MYO10: variants seen among roughly 807,000 people sequenced by gnomAD.
The protein encoded by MYO10 is unconventional myosin-X.
Under a neutral mutation model 257.3 loss-of-function variants are expected in MYO10, and 133 were observed. The ratio of observed to expected loss-of-function variants is 0.52; its 90% CI spans 0.45 to 0.60. The LOEUF (loss-of-function observed/expected upper bound fraction) is 0.60. Ranked by LOEUF, MYO10 falls within the 20% of genes least tolerant of loss-of-function variation. The pLI, the probability that MYO10 is intolerant of heterozygous loss-of-function variation, is 0.00. For synonymous variants in MYO10, 1,104 were observed against 1,028.6 expected (o/e 1.07, Z -1.40); for missense variants, 2,399 against 2,635.7 (o/e 0.91, Z 1.97).
At chr5:16,748,872 G>T (rs1015491525) in intron 19 of MYO10, among the ~76,000 whole-genome samples, 1 of 152,134 alleles carries the variant, frequency 6.6e-6, no homozygotes, top group African/African-American at 2.4e-5. Context: ...TGGAAGAGAG[G>T]AATACAGGTC....
chr5:16,777,518 T>A (rs1440234043), intron 9 of MYO10, among the ~76,000 whole-genome samples: 1 of 152,216 alleles, frequency 6.6e-6, no homozygotes, highest in Non-Finnish European at 1.5e-5. Context: ...GAGCTGCTAG[T>A]CTTCCAGCGG....
rs140265151 is a variant in MYO10 at position 16,916,174 on chromosome 5, C to T, written c.21+19614G>A. On this transcript the variant is annotated intron_variant, in intron 1 of 40. Transcript: ENST00000513610. Reference sequence around the variant, plus strand: ...ACCATGAACCATCTCCAGAGACCTTCGTTCCGCCACGTCAGGGTCAGCTAA... The same window carrying T: ...ACCATGAACCATCTCCAGAGACCTTTGTTCCGCCACGTCAGGGTCAGCTAA... 263 of 455,782 alleles carry T rather than the reference C, an allele frequency of 5.8e-4. 1 individual carries two copies. Among genetic ancestry groups the T allele is most frequent in the African/African-American group, 4.6e-3 (229 of 50,128 alleles). 28.2% of individuals were successfully genotyped at this position (455,782 alleles called of 1,614,324 possible).
intron 3 of MYO10, among the ~76,000 whole-genome samples, chr5:16,802,855 G>A (rs528868232): frequency 8.6e-5 from 13 of 151,962 alleles, no homozygotes; most frequent in Non-Finnish European, 1.5e-4. Context: ...GGTGGCTCAC[G>A]CCTGTTATCC....
chr5:16,909,229 C>T (rs1301607485), intron 1 of MYO10, among the ~76,000 whole-genome samples: 2 of 152,216 alleles, frequency 1.3e-5, no homozygotes, highest in East Asian at 3.9e-4. Context: ...ATCAAATTGG[C>T]CAGGTGCGGT....
At chr5:16,756,912 G>A (rs904783683) in intron 18 of MYO10, among the ~76,000 whole-genome samples, 1 of 151,950 alleles carries the variant, frequency 6.6e-6, no homozygotes, top group Non-Finnish European at 1.5e-5. Context: ...ATCAGCCTGG[G>A]CAACATAATA....
chr5:16,857,549 T>C (rs1246629040), intron 2 of MYO10, among the ~76,000 whole-genome samples: 1 of 152,200 alleles, frequency 6.6e-6, no homozygotes, highest in Non-Finnish European at 1.5e-5. Context: ...GAAATGCACA[T>C]TTGCAGGCTC....
At chr5:16,907,295 G>A (rs1745545076) in intron 1 of MYO10, among the ~76,000 whole-genome samples, 1 of 152,022 alleles carries the variant, frequency 6.6e-6, no homozygotes, top group African/African-American at 2.4e-5. Flanking sequence ...CAGGGCACAC[G>A]CTCTTGTAAT....
chr5:16,662,766 T>G lies in MYO10; in HGVS notation c.*3926A>C, dbSNP rs1736026921. Reference sequence around the variant, plus strand: ...GTAATTGAATCATGGGGGTGGGTTTTCCCATGCTGTTCTTGTCCATAGTGA... The same window carrying G: ...GTAATTGAATCATGGGGGTGGGTTTGCCCATGCTGTTCTTGTCCATAGTGA... On this transcript the variant is annotated 3_prime_UTR_variant, in exon 41 of 41. Transcript: ENST00000513610. The G allele has an allele frequency of 6.6e-6, 1 of 152,146 alleles. No homozygotes were observed. The highest frequency in any genetic ancestry group is 6.6e-5 in the Admixed American group (1 of 15,264). The allele number at this position is 152,146 out of a possible 1,614,324, so 9.4% of individuals were successfully genotyped here.
At chr5:16,903,574 C>G (rs139045264) in intron 1 of MYO10, among the ~76,000 whole-genome samples, 229 of 152,268 alleles carry the variant, frequency 1.5e-3, no homozygotes, top group African/African-American at 5.4e-3. Flanking sequence ...AGCCACTTTC[C>G]TATTAATATT....
intron 1 of MYO10, among the ~76,000 whole-genome samples, chr5:16,903,695 C>T (rs1231222084): frequency 6.6e-6 from 1 of 152,148 alleles, no homozygotes; most frequent in Non-Finnish European, 1.5e-5. Context: ...AACTGCTCAA[C>T]AGCCTGAAAA....
chr5:16,924,214 G>GT (rs1285118051), intron 1 of MYO10, among the ~76,000 whole-genome samples: 1 of 137,996 alleles, frequency 7.2e-6, no homozygotes, highest in Non-Finnish European at 1.7e-5. Context: ...CAACCACGCT[G>GT]GGGGGTGAGA....
At chr5:16,668,492 G>T (rs555895827) in intron 39 of MYO10, 24 bp from the exon 40 acceptor site, 2 of 1,573,508 alleles carry the variant, frequency 1.3e-6, no homozygotes, top group South Asian at 2.4e-5. Context: ...GTCAACAGAA[G>T]AGTTAAGTCA....
chr5:16,787,767 G>C (rs894901074), intron 4 of MYO10, among the ~76,000 whole-genome samples: 1 of 152,068 alleles, frequency 6.6e-6, no homozygotes, highest in Non-Finnish European at 1.5e-5. Flanking sequence ...AAGCAGGAGA[G>C]TGTCATGATC....
At chr5:16,934,987 T>G (rs538106687) in intron 1 of MYO10, among the ~76,000 whole-genome samples, 27 of 152,234 alleles carry the variant, frequency 1.8e-4, no homozygotes, top group African/African-American at 6.5e-4. Flanking sequence ...TAAACAGAAT[T>G]TATTAAATAA....
intron 3 of MYO10, among the ~76,000 whole-genome samples, chr5:16,814,039 C>T (rs1051647463): frequency 3.3e-4 from 50 of 152,194 alleles, no homozygotes; most frequent in African/African-American, 1.1e-3. Context: ...GAGCAGGAAA[C>T]GGATCCTCCT....
chr5:16,844,776 T>C (rs1743578896), intron 2 of MYO10, among the ~76,000 whole-genome samples: 1 of 143,442 alleles, frequency 7.0e-6, no homozygotes, highest in Non-Finnish European at 1.5e-5. Context: ...GCTCAATCAA[T>C]AGATTTTAAA....
Position 16,663,828 on chromosome 5 carries a change from C to T in MYO10, c.*2864G>A, listed in dbSNP as rs987845123. 2 of 141,480 alleles carry T rather than the reference C, an allele frequency of 1.4e-5. No homozygotes were observed. The highest frequency in any genetic ancestry group is 2.2e-4 in the South Asian group (1 of 4,634). The allele number at this position is 141,480 out of a possible 1,614,324, so 8.8% of individuals were successfully genotyped here. Reference sequence around the variant, plus strand: ...GGGTAAGGAAAGATGTGTGCAGGTTCTATGCAAATATTATACCACTGTATA... The same window carrying T: ...GGGTAAGGAAAGATGTGTGCAGGTTTTATGCAAATATTATACCACTGTATA... On this transcript the variant is annotated 3_prime_UTR_variant, in exon 41 of 41. Coordinates refer to ENST00000513610, the MANE Select transcript of MYO10 (RefSeq NM_012334.3).
chr5:16,784,444 G>A (rs78085695), intron 4 of MYO10, among the ~76,000 whole-genome samples: 38 of 152,196 alleles, frequency 2.5e-4, no homozygotes, highest in South Asian at 6.2e-4. Context: ...GTTTAGGCCC[G>A]CGGTGGCCAG....
Position 16,677,416 on chromosome 5 carries a change from C to CTTTTTTTTTTTTTT in MYO10, c.4543-1276_4543-1263dup, listed in dbSNP as rs796474728. ...ATGGACTTATTTAGGGTAACTTGAC[C>CTTTTTTTTTTTTTT]TTTTTTTTTTTTTTTTTGAGACGGA... On this transcript the variant is annotated intron_variant, in intron 33 of 40. Coordinates refer to ENST00000513610, the MANE Select transcript of MYO10 (RefSeq NM_012334.3). Among the ~76,000 whole-genome samples, 1,049 of 119,188 alleles carry CTTTTTTTTTTTTTT rather than the reference C, an allele frequency of 8.8e-3. 69 individuals are homozygous for CTTTTTTTTTTTTTT. Among genetic ancestry groups the CTTTTTTTTTTTTTT allele is most frequent in the South Asian group, 0.022 (73 of 3,300 alleles). The allele number at this position is 119,188 out of a possible 152,430, so 78.2% of individuals were successfully genotyped here.
Sources: allele counts gnomAD v4.1 joint callset (sites outside exome capture counted in the v4.1 genomes callset), GRCh38; gene constraint gnomAD v4.1.1; transcripts MANE v1.5; gene names NCBI Gene and HGNC (gene_info 2026-07-23, HGNC 2026-07-21).